ADAMTSL1: variants seen among roughly 807,000 people sequenced by gnomAD.
The protein encoded by ADAMTSL1 is ADAMTS like 1, also known as ADAMTS-like protein 1.
A neutral mutation model predicts 201.8 loss-of-function variants in ADAMTSL1; 126 were observed. The observed-to-expected ratio is 0.62, with a 90% CI of 0.54 to 0.72. The LOEUF (loss-of-function observed/expected upper bound fraction) is 0.72, where lower values mean the gene tolerates loss of function less well. Ranked by LOEUF, ADAMTSL1 falls within the 30% of genes least tolerant of loss-of-function variation. The pLI, the probability that ADAMTSL1 is intolerant of heterozygous loss-of-function variation, is 0.00. For synonymous variants in ADAMTSL1, 1,121 were observed against 903.4 expected (o/e 1.24, Z -4.32); for missense variants, 2,679 against 2,277.8 (o/e 1.18, Z -3.59).
chr9:18,905,984 C>A, intron 27 of ADAMTSL1, 93 bp downstream of exon 27: 3 of 1,146,276 alleles, frequency 2.6e-6, no homozygotes, highest in Non-Finnish European at 3.8e-6. Flanking sequence ...AACTAACTTA[C>A]CACAGTCCCA....
At chr9:18,094,980 G>A (rs545933183) in intron 1 of ADAMTSL1, among the ~76,000 whole-genome samples, 6 of 152,206 alleles carry the variant, frequency 3.9e-5, no homozygotes, top group East Asian at 1.9e-4. Context: ...GAATTAGAAC[G>A]TTCAGTCCTA....
At chr9:18,804,275 A>G (rs551494039) in intron 20 of ADAMTSL1, among the ~76,000 whole-genome samples, 1 of 152,212 alleles carries the variant, frequency 6.6e-6, no homozygotes, top group Non-Finnish European at 1.5e-5. Context: ...AGCTTTTGTG[A>G]TGAAGTCTTG....
chr9:18,291,165 G>T (rs1308106448), intron 2 of ADAMTSL1, among the ~76,000 whole-genome samples: 1 of 152,126 alleles, frequency 6.6e-6, no homozygotes, highest in Non-Finnish European at 1.5e-5. Context: ...AGCTGAGGAA[G>T]AAGAGAGGAA....
At chr9:18,597,676 T>C (rs549485361) in intron 4 of ADAMTSL1, among the ~76,000 whole-genome samples, 1 of 152,208 alleles carries the variant, frequency 6.6e-6, no homozygotes, top group South Asian at 2.1e-4. Context: ...TAATTATACA[T>C]GGGCTAACTG....
At chr9:17,983,830 T>C (rs1401601057) in intron 1 of ADAMTSL1, among the ~76,000 whole-genome samples, 1 of 152,132 alleles carries the variant, frequency 6.6e-6, no homozygotes, top group Non-Finnish European at 1.5e-5. Context: ...ATCCAGCACA[T>C]AAACTTGTAA....
chr9:18,077,354 C>T (rs1410290277), intron 1 of ADAMTSL1, among the ~76,000 whole-genome samples: 1 of 152,068 alleles, frequency 6.6e-6, no homozygotes, highest in African/African-American at 2.4e-5. Context: ...ACTCCTCTCC[C>T]TTATTGAGTG....
chr9:18,123,075 G>C (rs1366292062), intron 1 of ADAMTSL1, among the ~76,000 whole-genome samples: 1 of 152,102 alleles, frequency 6.6e-6, no homozygotes, highest in Non-Finnish European at 1.5e-5. Flanking sequence ...CACTTTTCAA[G>C]CTTTTTGTCA....
At chr9:18,396,565 T>C (rs1286435853) in intron 2 of ADAMTSL1, among the ~76,000 whole-genome samples, 2 of 148,198 alleles carry the variant, frequency 1.3e-5, no homozygotes, top group Admixed American at 1.4e-4. Context: ...TTAATATTAA[T>C]TAAATTTTAC....
At chr9:18,628,724 G>A (rs1240611501) in intron 5 of ADAMTSL1, among the ~76,000 whole-genome samples, 2 of 152,100 alleles carry the variant, frequency 1.3e-5, no homozygotes, top group Non-Finnish European at 2.9e-5. Flanking sequence ...AGAATTTTAT[G>A]TCTCTGTTTA....
At chr9:18,775,592 C>A in intron 17 of ADAMTSL1, 151 bp from the exon 18 acceptor site, 1 of 1,057,610 alleles carries the variant, frequency 9.5e-7, no homozygotes, top group South Asian at 1.4e-5. Context: ...GCAGGTCTTC[C>A]ACATTGTGAC....
intron 2 of ADAMTSL1, among the ~76,000 whole-genome samples, chr9:18,199,010 C>A (rs990166469): frequency 1.4e-5 from 2 of 141,124 alleles, no homozygotes; most frequent in Non-Finnish European, 3.1e-5. Flanking sequence ...ATCGCAAGAA[C>A]AAAAAACCAA....
In ADAMTSL1 at chr9:18,906,652, C is replaced by G. The variant is rs752698046; in HGVS notation, c.4962-40C>G. ...TTCACATCTGCCCTGATTCAGCCCC[C>G]ACAGAAGCAAACCTTAACCCTGCCA... On this transcript the variant is annotated intron_variant, in intron 27 of 28. Transcript: ENST00000380548. 3 of 1,484,362 alleles carry G rather than the reference C, an allele frequency of 2.0e-6. No homozygotes were observed. The South Asian group carries it at 4.0e-5, about 20-fold the overall frequency. The allele number at this position is 1,484,362 out of a possible 1,614,324, so 91.9% of individuals were successfully genotyped here. A position where few individuals can be genotyped will look rare whatever the true frequency, so the allele number is the denominator to read the frequency against.
intron 2 of ADAMTSL1, among the ~76,000 whole-genome samples, chr9:18,179,120 A>G (rs144386109): frequency 0.022 from 3,420 of 152,218 alleles, 120 homozygotes; most frequent in African/African-American, 0.078. Context: ...AAGACGTTGA[A>G]AACTTTGAAA....
At chr9:18,387,249 A>C (rs997879254) in intron 2 of ADAMTSL1, among the ~76,000 whole-genome samples, 2 of 152,154 alleles carry the variant, frequency 1.3e-5, no homozygotes, top group African/African-American at 4.8e-5. Context: ...AAAACATATA[A>C]GGTAAATAAA....
chr9:18,394,372 A>T (rs1473771523), intron 2 of ADAMTSL1, among the ~76,000 whole-genome samples: 1 of 152,218 alleles, frequency 6.6e-6, no homozygotes, highest in Non-Finnish European at 1.5e-5. Flanking sequence ...CCTATGCCCC[A>T]GGAGATCCAT....
intron 2 of ADAMTSL1, among the ~76,000 whole-genome samples, chr9:18,227,295 T>G (rs548593760): frequency 6.6e-6 from 1 of 152,252 alleles, no homozygotes; most frequent in East Asian, 1.9e-4. Context: ...GCTCTGTGCA[T>G]GTTTGCTCAA....
intron 2 of ADAMTSL1, among the ~76,000 whole-genome samples, chr9:18,193,736 ACTGG>A (rs1829062640): frequency 6.6e-6 from 1 of 152,172 alleles, no homozygotes; most frequent in Non-Finnish European, 1.5e-5. Context: ...TTTTCCTTTC[ACTGG>A]GTCCCTGTAT....
intron 3 of ADAMTSL1, among the ~76,000 whole-genome samples, chr9:18,533,786 C>G (rs1819590998): frequency 6.6e-6 from 1 of 152,180 alleles, no homozygotes. Flanking sequence ...AGAAAGAAGA[C>G]AGATGTGCAT....
At chr9:18,240,750 G>A (rs1044960031) in intron 2 of ADAMTSL1, among the ~76,000 whole-genome samples, 6 of 152,186 alleles carry the variant, frequency 3.9e-5, no homozygotes, top group Admixed American at 6.5e-5. Context: ...TTGAAAATCT[G>A]TTGTCTAGTG....
Sources: allele counts gnomAD v4.1 joint callset (sites outside exome capture counted in the v4.1 genomes callset), GRCh38; gene constraint gnomAD v4.1.1; transcripts MANE v1.5; gene names NCBI Gene and HGNC (gene_info 2026-07-23, HGNC 2026-07-21).